ATE1: variants seen among roughly 807,000 people sequenced by gnomAD.
The protein encoded by ATE1 is arginyl-tRNA--protein transferase 1.
Under a neutral mutation model 70.5 loss-of-function variants are expected in ATE1, and 36 were observed. That is an observed-to-expected ratio of 0.51 (90% CI 0.39 to 0.67). The LOEUF is 0.67. Among genes scored for constraint, ATE1 ranks in the 30% least tolerant of loss-of-function variants. The pLI is 0.00. For synonymous variants in ATE1, 232 were observed against 219.3 expected (o/e 1.06, Z -0.51); for missense variants, 593 against 629.5 (o/e 0.94, Z 0.62).
At chr10:121,848,325 CTT>C (rs1564891961) in intron 8 of ATE1, among the ~76,000 whole-genome samples, 2 of 144,934 alleles carry the variant, frequency 1.4e-5, no homozygotes, top group African/African-American at 5.1e-5. Context: ...CATTAAAAAA[CTT>C]ATTTATCGGC....
At position 121,914,509 on chromosome 10, in the gene ATE1, G is replaced by GA. The variant is rs570223694; in HGVS notation, c.234-617dup. 7.9e-4 allele frequency among the ~76,000 whole-genome samples: 112 copies of GA among 142,432 alleles called. 1 individual carries two copies. The highest frequency in any genetic ancestry group is 3.8e-3 in the South Asian group (17 of 4,488). The allele number at this position is 142,432 out of a possible 152,430, so 93.4% of individuals were successfully genotyped here. ...AAAGTTGAATCCTAGGCCAACAGTG[G>GA]AAAAAAAAAAAGCCAATTTTCTCTA... is the stretch of plus-strand genomic sequence containing the variant. On this transcript the variant is annotated intron_variant, in intron 3 of 11. Transcript: ENST00000224652.
chr10:121,816,337 C>T (rs1947540818), intron 10 of ATE1, among the ~76,000 whole-genome samples: 1 of 152,056 alleles, frequency 6.6e-6, no homozygotes, highest in Admixed American at 6.6e-5. Context: ...ATTGTCTTCT[C>T]CAATATTCAT....
chr10:121,745,714 A>G (rs61380105), intron 11 of ATE1, among the ~76,000 whole-genome samples: 74,339 of 150,250 alleles, frequency 0.49, 18,527 homozygotes, highest in Middle Eastern at 0.58. Context: ...GCGACAGAGC[A>G]AGACTCTGTC....
intron 8 of ATE1, among the ~76,000 whole-genome samples, chr10:121,841,931 T>C (rs889915901): frequency 6.6e-6 from 1 of 151,982 alleles, no homozygotes; most frequent in East Asian, 1.9e-4. Flanking sequence ...AATAAAAAAA[T>C]AAAAACTATG....
chr10:121,773,566 A>C (rs1422398935), intron 11 of ATE1, among the ~76,000 whole-genome samples: 1 of 152,232 alleles, frequency 6.6e-6, no homozygotes, highest in African/African-American at 2.4e-5. Context: ...TGAGACTTTA[A>C]GTAAATTCCA....
upstream of ATE1, chr10:121,928,316 CCG>C: frequency 6.6e-7 from 1 of 1,511,598 alleles, no homozygotes; most frequent in African/African-American, 1.4e-5. Flanking sequence ...GGCGCGGCGG[CCG>C]CGCCAACTCC....
chr10:121,786,808 A>G (rs1355077964), intron 11 of ATE1, among the ~76,000 whole-genome samples: 1 of 152,212 alleles, frequency 6.6e-6, no homozygotes, highest in African/African-American at 2.4e-5. Flanking sequence ...GTAAGGATGC[A>G]GAATATTCTC....
chr10:121,799,624 A>G (rs1013745283), intron 10 of ATE1, among the ~76,000 whole-genome samples: 1 of 152,228 alleles, frequency 6.6e-6, no homozygotes, highest in African/African-American at 2.4e-5. Flanking sequence ...GGAAGCTTCA[A>G]ACTTAAATTT....
chr10:121,829,088 A>G lies in ATE1; in HGVS notation c.1257+7630T>C, dbSNP rs181719285. The stretch of plus-strand genomic sequence containing the variant: ...TACAAATGTATTCCCAGTGTCTAGC[A>G]CGTACCAGGTACCTAACAGGCTGCT... On this transcript the variant is annotated intron_variant, in intron 10 of 11. Coordinates refer to ENST00000224652, the MANE Select transcript of ATE1 (RefSeq NM_001001976.3). 3.3e-5 allele frequency among the ~76,000 whole-genome samples: 5 copies of G among 152,254 alleles called. No individual in the cohort carries two copies. The East Asian group carries it at 9.7e-4, about 29-fold the overall frequency.
At position 121,741,180 on chromosome 10, in the gene ATE1, T is replaced by A. The variant is rs556320214; in HGVS notation, c.*2500A>T. The A allele has an allele frequency of 6.6e-6, 1 of 152,214 alleles. No homozygotes were observed. The highest frequency in any genetic ancestry group is 2.4e-5 in the African/African-American group (1 of 41,436). The allele number at this position is 152,214 out of a possible 1,614,324, so 9.4% of individuals were successfully genotyped here. ...CGAACATAAAATCAGATCTCTCAGC[T>A]AGACTGCTGGTCAAGTAACAAGGTG... On this transcript the variant is annotated 3_prime_UTR_variant, in exon 12 of 12. Coordinates refer to ENST00000224652, the MANE Select transcript of ATE1 (RefSeq NM_001001976.3).
chr10:121,761,790 T>C (rs1020213572), intron 11 of ATE1, among the ~76,000 whole-genome samples: 3 of 152,328 alleles, frequency 2.0e-5, no homozygotes, highest in Admixed American at 2.0e-4. Flanking sequence ...AATCTGTATA[T>C]AATCTCTGTA....
intron 7 of ATE1, among the ~76,000 whole-genome samples, chr10:121,887,373 C>T (rs1950437506): frequency 6.6e-6 from 1 of 152,306 alleles, no homozygotes; most frequent in South Asian, 2.1e-4. Context: ...TAGATATCGC[C>T]TCCTATTTCC....
At chr10:121,786,107 G>A (rs576702589) in intron 11 of ATE1, among the ~76,000 whole-genome samples, 8 of 151,778 alleles carry the variant, frequency 5.3e-5, no homozygotes, top group African/African-American at 1.9e-4. Flanking sequence ...ATATTTGAGG[G>A]GTCAATATGA....
At chr10:121,891,972 T>C (rs1950594163) in intron 7 of ATE1, among the ~76,000 whole-genome samples, 1 of 152,226 alleles carries the variant, frequency 6.6e-6, no homozygotes. Flanking sequence ...TTGGCTTCTC[T>C]TTCTGCATTA....
chr10:121,887,034 A>G (rs1435983048), intron 7 of ATE1, among the ~76,000 whole-genome samples: 1 of 152,242 alleles, frequency 6.6e-6, no homozygotes, highest in African/African-American at 2.4e-5. Flanking sequence ...CAAGCAAAGA[A>G]TCACTTGTAA....
intron 10 of ATE1, among the ~76,000 whole-genome samples, chr10:121,796,659 T>C (rs191607027): frequency 2.0e-5 from 3 of 152,286 alleles, no homozygotes; most frequent in Non-Finnish European, 4.4e-5. Context: ...AAATATGGCC[T>C]CATAATATTT....
chr10:121,924,179 T>G, intron 2 of ATE1, 87 bp downstream of exon 2: 1 of 1,322,454 alleles, frequency 7.6e-7, no homozygotes. Context: ...TAAACCTCTT[T>G]CCAACAGGAA....
At chr10:121,854,257 T>A (rs185238463) in intron 8 of ATE1, among the ~76,000 whole-genome samples, 21 of 152,330 alleles carry the variant, frequency 1.4e-4, no homozygotes, top group African/African-American at 4.6e-4. Context: ...TCTAGCAATC[T>A]CATCTCATTC....
At chr10:121,884,429 C>T (rs1205543253) in intron 7 of ATE1, among the ~76,000 whole-genome samples, 1 of 151,826 alleles carries the variant, frequency 6.6e-6, no homozygotes, top group East Asian at 1.9e-4. Context: ...GCAAGGTCTC[C>T]TCTCAAAAAA....
Sources: gnomAD v4.1 joint callset for allele counts (sites outside exome capture counted in the v4.1 genomes callset) on GRCh38, gnomAD v4.1.1 for gene constraint, MANE v1.5 for transcripts, NCBI Gene and HGNC (gene_info 2026-07-23, HGNC 2026-07-21) for gene names.